The following COL14A1 variants were observed in gnomAD, a reference collection of about 807,000 sequenced individuals.
COL14A1 encodes the protein collagen type XIV alpha 1 chain, also known as collagen alpha-1(XIV) chain.
Under a neutral mutation model 230.3 loss-of-function variants are expected in COL14A1, and 136 were observed. The ratio of observed to expected loss-of-function variants is 0.59; its 90% CI spans 0.51 to 0.68. The LOEUF is 0.68. Among genes scored for constraint, COL14A1 ranks in the 30% least tolerant of loss-of-function variants. The probability of loss-of-function intolerance (pLI) is 0.00; values close to 1 mark genes in which losing one functional copy is unlikely to be tolerated. For missense variants in COL14A1, 1,976 were observed against 2,215.8 expected (o/e 0.89, Z 2.17); for synonymous variants, 792 against 784.1 (o/e 1.01, Z -0.17).
chr8:120,289,614 A>G lies in COL14A1; in HGVS notation c.4084A>G (p.Ile1362Val). Residue 1362 changes from isoleucine to valine, a missense_variant, in exon 34 of 48, where the codon ATT becomes GTT. Around this residue, in one of 3 missense-constraint regions of COL14A1, gnomAD observed 1,791 missense variants for 2,019.5 expected, o/e 0.89. Coordinates refer to ENST00000297848, the MANE Select transcript of COL14A1 (RefSeq NM_021110.4). ...IFYGSFHKLHIVVSETLVKVV... is the reference protein window; with the variant it reads ...IFYGSFHKLHVVVSETLVKVV... ...ACATCTTACTTTTACCTAGCTACAC[A>G]TTGTTGTCAGTGAGACTTTGGTCAA... 6.2e-7 allele frequency: 1 copy of G among 1,613,732 alleles called. No homozygotes were observed.
intron 40 of COL14A1, among the ~76,000 whole-genome samples, chr8:120,331,115 A>C (rs1427406245): frequency 6.6e-6 from 1 of 151,586 alleles, no homozygotes; most frequent in Non-Finnish European, 1.5e-5. Flanking sequence ...CACAAAAAAA[A>C]AAAAAAAAAA....
chr8:120,136,860 G>A (rs1814726244), intron 1 of COL14A1, among the ~76,000 whole-genome samples: 2 of 151,230 alleles, frequency 1.3e-5, no homozygotes, highest in African/African-American at 4.9e-5. Context: ...AGCTCTTCGG[G>A]AGGCTGAGAC....
intron 41 of COL14A1, 94 bp downstream of exon 41, chr8:120,332,288 C>CCGTCTT: frequency 1.7e-6 from 2 of 1,203,818 alleles, no homozygotes; most frequent in South Asian, 2.5e-5. Flanking sequence ...TTACCAGCAG[C>CCGTCTT]CGTCTTCACT....
intron 7 of COL14A1, among the ~76,000 whole-genome samples, chr8:120,198,626 A>G (rs191972169): frequency 1.4e-4 from 22 of 152,310 alleles, no homozygotes; most frequent in African/African-American, 4.3e-4. Flanking sequence ...GGGATGCTCA[A>G]CCAGCAAATA....
At chr8:120,197,207 C>G (rs1186168014) in intron 6 of COL14A1, among the ~76,000 whole-genome samples, 2 of 152,044 alleles carry the variant, frequency 1.3e-5, no homozygotes. Flanking sequence ...AAAGTTACAG[C>G]TGGTTTAAGA....
chr8:120,166,923 G>GTGTGTGTGT (rs1563646891), intron 4 of COL14A1, among the ~76,000 whole-genome samples: 3 of 71,462 alleles, frequency 4.2e-5, no homozygotes, highest in African/African-American at 1.5e-4. Flanking sequence ...TGTGTGTGTG[G>GTGTGTGTGT]TGGTGATGAT....
chr8:120,189,488 TTTA>T (rs987590329), intron 5 of COL14A1, among the ~76,000 whole-genome samples: 13 of 151,698 alleles, frequency 8.6e-5, no homozygotes, highest in Admixed American at 3.9e-4. Context: ...TTTATTTTAT[TTTA>T]TTATTATTAT....
intron 44 of COL14A1, 80 bp downstream of exon 44, chr8:120,342,526 C>G: frequency 7.4e-7 from 1 of 1,344,456 alleles, no homozygotes; most frequent in Non-Finnish European, 1.1e-6. Flanking sequence ...CATGAGCGTA[C>G]CACTAAGGAA....
intron 5 of COL14A1, among the ~76,000 whole-genome samples, chr8:120,176,631 A>C (rs1816291646): frequency 6.6e-6 from 1 of 152,136 alleles, no homozygotes; most frequent in Non-Finnish European, 1.5e-5. Context: ...AGGTAGCTAA[A>C]GTACAGGGAA....
intron 14 of COL14A1, among the ~76,000 whole-genome samples, chr8:120,216,833 A>G (rs1401647535): frequency 4.6e-5 from 7 of 152,232 alleles, no homozygotes; most frequent in African/African-American, 1.7e-4. Context: ...TGCCTTCAGC[A>G]TGCAGCTTCA....
intron 45 of COL14A1, among the ~76,000 whole-genome samples, chr8:120,356,076 G>C (rs1258661856): frequency 1.3e-5 from 2 of 152,208 alleles, no homozygotes; most frequent in African/African-American, 4.8e-5. Context: ...ATGAAAGATT[G>C]CTGAGGGTAC....
intron 1 of COL14A1, among the ~76,000 whole-genome samples, chr8:120,133,939 A>T (rs1047621030): frequency 5.3e-5 from 8 of 152,112 alleles, no homozygotes; most frequent in Non-Finnish European, 1.2e-4. Flanking sequence ...TAATATAAAA[A>T]TAAAATTGCT....
chr8:120,280,190 A>G, intron 29 of COL14A1, 91 bp downstream of exon 29: 1 of 1,440,204 alleles, frequency 6.9e-7, no homozygotes, highest in Non-Finnish European at 9.6e-7. Context: ...TAGATCTGAG[A>G]AAAGAATATT....
intron 11 of COL14A1, 66 bp from the exon 12 acceptor site, chr8:120,209,690 A>T: frequency 6.8e-7 from 1 of 1,468,428 alleles, no homozygotes; most frequent in Non-Finnish European, 9.2e-7. Context: ...TTATTTCTTG[A>T]TAATTTCATT....
intron 19 of COL14A1, among the ~76,000 whole-genome samples, chr8:120,239,400 A>G (rs752219465): frequency 2.0e-5 from 3 of 152,196 alleles, no homozygotes; most frequent in African/African-American, 7.2e-5. Flanking sequence ...AAAGCCTTCA[A>G]TGGGAAGTTA....
At chr8:120,243,286 T>G (rs1171430453) in intron 19 of COL14A1, among the ~76,000 whole-genome samples, 1 of 152,196 alleles carries the variant, frequency 6.6e-6, no homozygotes, top group Non-Finnish European at 1.5e-5. Flanking sequence ...GATTCTAGAT[T>G]GAGGAAGACA....
intron 5 of COL14A1, among the ~76,000 whole-genome samples, chr8:120,196,214 G>T (rs1159670861): frequency 1.3e-5 from 2 of 152,180 alleles, no homozygotes; most frequent in African/African-American, 4.8e-5. Flanking sequence ...ATTTGACTTT[G>T]GGGAAACTCT....
chr8:120,128,239 G>GCC (rs1814416363), intron 1 of COL14A1, among the ~76,000 whole-genome samples: 3 of 148,668 alleles, frequency 2.0e-5, no homozygotes, highest in Admixed American at 1.3e-4. Context: ...GTGTGTGTGT[G>GCC]TGTGTGTGTG....
At chr8:120,129,685 TTC>T (rs1392548594) in intron 1 of COL14A1, among the ~76,000 whole-genome samples, 2 of 152,200 alleles carry the variant, frequency 1.3e-5, no homozygotes, top group Non-Finnish European at 2.9e-5. Context: ...AAGAAAACAG[TTC>T]TGTTTTATCT....
Sources: allele counts gnomAD v4.1 joint callset (sites outside exome capture counted in the v4.1 genomes callset), GRCh38; gene constraint gnomAD v4.1.1; regional missense constraint gnomAD v4.1.1; transcripts MANE v1.5; gene names NCBI Gene and HGNC (gene_info 2026-07-23, HGNC 2026-07-21).